TANC1: variants seen among roughly 807,000 people sequenced by gnomAD.
The protein encoded by TANC1 is tetratricopeptide repeat, ankyrin repeat and coiled-coil containing 1.
A neutral mutation model predicts 149.7 loss-of-function variants in TANC1; 77 were observed. The observed-to-expected ratio is 0.51, with a 90% CI of 0.43 to 0.62. TANC1 has a LOEUF of 0.62. Ranked by LOEUF, TANC1 falls within the 20% of genes least tolerant of loss-of-function variation. TANC1 has a pLI of 0.00. For missense variants in TANC1, 1,985 were observed against 2,321.8 expected (o/e 0.85, Z 2.98); for synonymous variants, 854 against 925.0 (o/e 0.92, Z 1.39).
chr2:158,997,192 C>T lies in TANC1; in HGVS notation c.-125-3888C>T, dbSNP rs183841325. On this transcript the variant is annotated intron_variant, in intron 1 of 26. Transcript: ENST00000263635. ...CTAGTGGGTAAAGTTTCTCATGGGA[C>T]ACAGGTTGACAGTTCCAACGCTGCT... 1.2e-3 allele frequency among the ~76,000 whole-genome samples: 185 copies of T among 152,200 alleles called. 1 individual carries two copies. The highest frequency in any genetic ancestry group is 4.3e-3 in the African/African-American group (180 of 41,524).
At chr2:158,972,460 G>T (rs2033035407) in intron 1 of TANC1, among the ~76,000 whole-genome samples, 1 of 152,130 alleles carries the variant, frequency 6.6e-6, no homozygotes, top group South Asian at 2.1e-4. Context: ...GAGGTAGTAG[G>T]TTGCAGGTGA....
At chr2:158,980,351 A>G (rs1439547588) in intron 1 of TANC1, among the ~76,000 whole-genome samples, 1 of 152,136 alleles carries the variant, frequency 6.6e-6, no homozygotes, top group African/African-American at 2.4e-5. Context: ...ATTTGTTGAA[A>G]TACTTAAAAA....
At chr2:159,095,481 G>A (rs561522488) in intron 3 of TANC1, among the ~76,000 whole-genome samples, 5 of 152,196 alleles carry the variant, frequency 3.3e-5, no homozygotes, top group Admixed American at 3.3e-4. Context: ...GCTCATGCCT[G>A]TAATCCCAGC....
chr2:158,986,199 TGAA>T (rs1190664297), intron 1 of TANC1, among the ~76,000 whole-genome samples: 6 of 152,204 alleles, frequency 3.9e-5, no homozygotes, highest in East Asian at 1.9e-4. Flanking sequence ...AATGAGAACA[TGAA>T]GAAGGAGTGC....
At chr2:159,064,977 C>T (rs1389657553) in intron 2 of TANC1, among the ~76,000 whole-genome samples, 1 of 152,070 alleles carries the variant, frequency 6.6e-6, no homozygotes, top group Non-Finnish European at 1.5e-5. Flanking sequence ...TTGCCTTCTA[C>T]TTCCCTTAGT....
At chr2:159,146,102 G>A (rs966253798) in intron 5 of TANC1, among the ~76,000 whole-genome samples, 3 of 152,216 alleles carry the variant, frequency 2.0e-5, no homozygotes, top group Admixed American at 6.5e-5. Flanking sequence ...TATGCAAGTA[G>A]ACATGTATTT....
In TANC1 at chr2:159,231,356, A is replaced by G. The variant is rs2060324291; in HGVS notation, c.*344A>G. 1.0e-5 allele frequency: 2 copies of G among 199,750 alleles called. No individual in the cohort carries two copies. The highest frequency in any genetic ancestry group is 2.4e-5 in the African/African-American group (1 of 42,536). The allele number at this position is 199,750 out of a possible 1,614,324, so 12.4% of individuals were successfully genotyped here. A position where few individuals can be genotyped will look rare whatever the true frequency, so the allele number is the denominator to read the frequency against. On this transcript the variant is annotated 3_prime_UTR_variant, in exon 27 of 27. Coordinates refer to ENST00000263635, the MANE Select transcript of TANC1 (RefSeq NM_033394.3). ...CACAGAACTTACTTAGAGAATAAAT[A>G]TGTCTATTGTTCAAGAGTAACAGGT...
chr2:158,996,271 G>A (rs1032275176), intron 1 of TANC1, among the ~76,000 whole-genome samples: 2 of 152,164 alleles, frequency 1.3e-5, no homozygotes, highest in African/African-American at 2.4e-5. Flanking sequence ...GAGGTGGAAG[G>A]ATCACTTGAG....
intron 2 of TANC1, among the ~76,000 whole-genome samples, chr2:159,042,548 G>A (rs2040729709): frequency 6.6e-6 from 1 of 152,026 alleles, no homozygotes; most frequent in Non-Finnish European, 1.5e-5. Context: ...GATGACACCA[G>A]GGAAGACCAG....
intron 13 of TANC1, 43 bp downstream of exon 13, chr2:159,176,561 AT>A: frequency 7.0e-7 from 1 of 1,420,468 alleles, no homozygotes. Context: ...CCCCATTCCA[AT>A]TTTACAGTGA....
intron 1 of TANC1, among the ~76,000 whole-genome samples, chr2:158,985,083 C>G (rs778654626): frequency 7.2e-5 from 11 of 152,162 alleles, no homozygotes; most frequent in Non-Finnish European, 1.3e-4. Flanking sequence ...GGCTGCAGAG[C>G]TCTCTGTTAG....
chr2:159,109,741 G>GT (rs2047539024), intron 4 of TANC1, among the ~76,000 whole-genome samples: 1 of 152,164 alleles, frequency 6.6e-6, no homozygotes. Flanking sequence ...CTACCCTCCT[G>GT]TTAATCACTC....
chr2:159,201,186 A>G (rs1175318592), intron 19 of TANC1, among the ~76,000 whole-genome samples: 1 of 152,130 alleles, frequency 6.6e-6, no homozygotes, highest in East Asian at 1.9e-4. Context: ...CTACTGCCCC[A>G]AGCCTTCCTA....
intron 4 of TANC1, among the ~76,000 whole-genome samples, chr2:159,110,891 T>G (rs2047658506): frequency 6.6e-6 from 1 of 152,218 alleles, no homozygotes; most frequent in South Asian, 2.1e-4. Context: ...CGTCTTGACA[T>G]GCAGCACAGC....
intron 4 of TANC1, among the ~76,000 whole-genome samples, chr2:159,099,625 GCTAAGAAGCATGCTA>G (rs2046472048): frequency 6.6e-6 from 1 of 152,036 alleles, no homozygotes. Context: ...TCCAGGTTTA[GCTAAGAAGCATGCTA>G]CTAAGTTTAG....
intron 1 of TANC1, among the ~76,000 whole-genome samples, chr2:158,978,387 GGCT>G (rs2033932119): frequency 6.6e-6 from 1 of 152,182 alleles, no homozygotes; most frequent in East Asian, 1.9e-4. Context: ...TTTATTTCCT[GGCT>G]GGTTTGTGTG....
chr2:159,122,181 G>A (rs2048914513), intron 4 of TANC1, among the ~76,000 whole-genome samples: 2 of 152,152 alleles, frequency 1.3e-5, no homozygotes, highest in Non-Finnish European at 2.9e-5. Flanking sequence ...CAAGCCATCT[G>A]CCCGCCTTGG....
rs200052947 is a variant in TANC1, at chr2:159,229,788, T to A, written c.4362T>A (p.Phe1454Leu). ...DTPTPGLSDH[F>L]HSEETEEEET... ...CAACCCCTGGCTTAAGTGACCACTT[T>A]CACTCTGAGGAGACTGAAGAGGAAG... Residue 1454 changes from phenylalanine to leucine, a missense_variant, in exon 27 of 27, where the codon TTT becomes TTA. By Grantham distance (22) the Phe-to-Leu change is conservative. Transcript: ENST00000263635. 2,309 of 1,613,550 alleles carry A rather than the reference T, an allele frequency of 1.4e-3. 4 individuals carry two copies. Among genetic ancestry groups the A allele is most frequent in the Non-Finnish European group, 1.8e-3 (2,124 of 1,179,940 alleles).
At chr2:159,031,534 A>C (rs264606) in intron 2 of TANC1, among the ~76,000 whole-genome samples, 33,134 of 152,184 alleles carry the variant, frequency 0.22, 3,940 homozygotes, top group South Asian at 0.45. Context: ...ATTTAGACAA[A>C]ACAAATTCCT....
Sources: gnomAD v4.1 joint callset for allele counts (sites outside exome capture counted in the v4.1 genomes callset) on GRCh38, gnomAD v4.1.1 for gene constraint, MANE v1.5 for transcripts, NCBI Gene and HGNC (gene_info 2026-07-23, HGNC 2026-07-21) for gene names.